Variants in ROBO2 observed in about 807,000 individuals in gnomAD.
ROBO2 encodes the protein roundabout guidance receptor 2.
Under a neutral mutation model 160.8 loss-of-function variants are expected in ROBO2, and 53 were observed. That is an observed-to-expected ratio of 0.33 (90% CI 0.26 to 0.41). The LOEUF is 0.41. ROBO2 is among the 10% of genes least tolerant of loss of function. ROBO2 has a pLI of 1.00. For missense variants in ROBO2, 1,577 were observed against 1,722.4 expected (o/e 0.92, Z 1.49); for synonymous variants, 664 against 611.7 (o/e 1.09, Z -1.26).
chr3:77,556,470 C>A (rs1374892), intron 8 of ROBO2, among the ~76,000 whole-genome samples: 84,879 of 151,610 alleles, frequency 0.56, 23,819 homozygotes, highest in Middle Eastern at 0.68. Context: ...ATGAAGGTAA[C>A]CTGTATCATA....
intron 2 of ROBO2, among the ~76,000 whole-genome samples, chr3:76,836,298 A>G (rs1264381576): frequency 6.6e-6 from 1 of 151,892 alleles, no homozygotes; most frequent in Non-Finnish European, 1.5e-5. Flanking sequence ...CAGATATTCA[A>G]TTTATTCACA....
intron 2 of ROBO2, among the ~76,000 whole-genome samples, chr3:76,948,809 G>A (rs1432717301): frequency 5.0e-5 from 7 of 139,158 alleles, no homozygotes; most frequent in Non-Finnish European, 7.6e-5. Flanking sequence ...AGGTTCAAGC[G>A]ATTCTCTGCC....
intron 2 of ROBO2, among the ~76,000 whole-genome samples, chr3:76,108,723 C>G (rs1349184171): frequency 2.0e-5 from 3 of 151,220 alleles, no homozygotes; most frequent in African/African-American, 7.3e-5. Flanking sequence ...TCATTGAACA[C>G]AAATTACTAT....
chr3:77,327,947 A>G (rs1426958065), intron 2 of ROBO2, among the ~76,000 whole-genome samples: 6 of 151,044 alleles, frequency 4.0e-5, no homozygotes, highest in Non-Finnish European at 8.8e-5. Flanking sequence ...GCTACTTGGG[A>G]GGCTGAGGCA....
chr3:77,645,966 T>G (rs2153725557), intron 25 of ROBO2, 88 bp from the exon 28 acceptor site: 1 of 880,580 alleles, frequency 1.1e-6, no homozygotes, highest in South Asian at 1.6e-5. Flanking sequence ...TTTCATTGAT[T>G]ATCTGTTGGC....
chr3:77,121,562 C>T (rs2074772200), intron 2 of ROBO2, among the ~76,000 whole-genome samples: 1 of 151,944 alleles, frequency 6.6e-6, no homozygotes, highest in Non-Finnish European at 1.5e-5. Context: ...GAAAATTTCT[C>T]CTATTTGAAT....
intron 2 of ROBO2, among the ~76,000 whole-genome samples, chr3:76,726,047 C>T (rs1394248982): frequency 6.6e-6 from 1 of 152,134 alleles, no homozygotes; most frequent in Non-Finnish European, 1.5e-5. Flanking sequence ...CCTTAGAGTA[C>T]CCAAGAAAGC....
chr3:76,411,797 T>A (rs2075499357), intron 2 of ROBO2, among the ~76,000 whole-genome samples: 2 of 152,194 alleles, frequency 1.3e-5, no homozygotes. Context: ...TACTGATGAA[T>A]GCTATTGTGT....
At chr3:76,385,844 G>A (rs753825651) in intron 2 of ROBO2, among the ~76,000 whole-genome samples, 19 of 152,030 alleles carry the variant, frequency 1.2e-4, no homozygotes, top group Non-Finnish European at 1.8e-4. Context: ...TATCCCTTCT[G>A]CAATGTGACT....
At chr3:75,974,082 T>C (rs2065070545) in intron 2 of ROBO2, among the ~76,000 whole-genome samples, 1 of 151,586 alleles carries the variant, frequency 6.6e-6, no homozygotes, top group African/African-American at 2.4e-5. Context: ...GAGGACCAAA[T>C]ACTGCAAACA....
At chr3:76,508,078 A>G (rs2080888787) in intron 2 of ROBO2, among the ~76,000 whole-genome samples, 1 of 152,188 alleles carries the variant, frequency 6.6e-6, no homozygotes, top group Non-Finnish European at 1.5e-5. Context: ...ATAGAGATCC[A>G]TGATACCTAC....
rs1200815718 is a variant in ROBO2, at chr3:77,179,133, AAT to A, written c.388+80794_388+80795del. On this transcript the variant is annotated intron_variant, in intron 2 of 25. Coordinates refer to ENST00000461745, the Ensembl canonical transcript of ROBO2. ...AAATGAAAGGCTATTTTTTTTTAAAAATCTGTCTTTTCCTAATAAAAATTCAA... is the reference window on the plus strand; with the variant it reads ...AAATGAAAGGCTATTTTTTTTTAAAACTGTCTTTTCCTAATAAAAATTCAA... 2.2e-3 allele frequency among the ~76,000 whole-genome samples: 338 copies of A among 151,962 alleles called. 2 individuals carry two copies. The highest frequency in any genetic ancestry group is 7.7e-3 in the African/African-American group (320 of 41,484).
intron 2 of ROBO2, among the ~76,000 whole-genome samples, chr3:76,844,044 G>A (rs2148489168): frequency 6.6e-6 from 1 of 152,076 alleles, no homozygotes; most frequent in East Asian, 1.9e-4. Context: ...TGAATTAAGT[G>A]ATATAAATCT....
intron 2 of ROBO2, among the ~76,000 whole-genome samples, chr3:77,130,916 A>T (rs2075798049): frequency 6.6e-6 from 1 of 152,210 alleles, no homozygotes; most frequent in South Asian, 2.1e-4. Context: ...GGTTAGCATT[A>T]CGTTGTGCAA....
chr3:77,453,693 C>G (rs983991090), intron 2 of ROBO2, among the ~76,000 whole-genome samples: 2 of 151,970 alleles, frequency 1.3e-5, no homozygotes, highest in African/African-American at 2.4e-5. Context: ...AATGTTTTCT[C>G]TTGTTTAGTC....
At chr3:76,622,265 A>AAG (rs1560252716) in intron 2 of ROBO2, among the ~76,000 whole-genome samples, 1 of 66,268 alleles carries the variant, frequency 1.5e-5, no homozygotes, top group East Asian at 5.5e-4. Context: ...AAAGAAAGAA[A>AAG]GAAAGAAAGA....
intron 2 of ROBO2, among the ~76,000 whole-genome samples, chr3:76,842,373 T>C (rs2068367261): frequency 6.6e-6 from 1 of 152,160 alleles, no homozygotes. Flanking sequence ...GTGTTCCTTG[T>C]CCACATTATT....
chr3:77,348,708 C>G (rs1475044624), intron 2 of ROBO2, among the ~76,000 whole-genome samples: 1 of 152,158 alleles, frequency 6.6e-6, no homozygotes, highest in Non-Finnish European at 1.5e-5. Context: ...CAAGCAAGCA[C>G]TATCTGTCAC....
intron 1 of ROBO2, among the ~76,000 whole-genome samples, chr3:77,083,883 A>G (rs1269935062): frequency 1.3e-5 from 2 of 152,116 alleles, no homozygotes; most frequent in Non-Finnish European, 2.9e-5. Context: ...GGTCACCCGA[A>G]CAAAGCCTAG....
Sources: gnomAD v4.1 joint callset for allele counts (sites outside exome capture counted in the v4.1 genomes callset) on GRCh38, gnomAD v4.1.1 for gene constraint, MANE v1.5 for transcripts, NCBI Gene and HGNC (gene_info 2026-07-23, HGNC 2026-07-21) for gene names.